CEP78: variants seen among roughly 807,000 people sequenced by gnomAD.
CEP78 encodes centrosomal protein of 78 kDa.
A neutral mutation model predicts 81.2 loss-of-function variants in CEP78; 76 were observed. The observed-to-expected ratio is 0.94, with a 90% CI of 0.78 to 1.13. CEP78 has a LOEUF of 1.13. Among genes scored for constraint, CEP78 ranks in the 50% most tolerant of loss-of-function variants. CEP78 has a pLI of 0.00. For missense variants in CEP78, 918 were observed against 846.8 expected, an observed-to-expected ratio of 1.08 and a Z score of -1.04; for synonymous variants, 293 against 301.4, an observed-to-expected ratio of 0.97 and a Z score of 0.29.
rs1827505951 is a variant in CEP78, at chr9:78,265,892, G to GGAAC, written c.1832_1835dup (p.Leu613AsnfsTer11). The GGAAC allele has an allele frequency of 7.2e-7, 1 of 1,385,890 alleles. No homozygotes were observed. Among genetic ancestry groups the GGAAC allele is most frequent in the Non-Finnish European group, 1.0e-6 (1 of 995,596 alleles). 85.8% of individuals were successfully genotyped at this position (1,385,890 alleles called of 1,614,324 possible). ...TTGTATGCAGTCAGCTTACAATGAA[G>GGAAC]GAACACTAATGAAGGTACAAGTACT... On this transcript the variant is annotated frameshift_variant, in exon 15 of 17. Coordinates refer to ENST00000643273, the MANE Select transcript of CEP78 (RefSeq NM_001330691.3). LOFTEE classifies it high-confidence loss of function.
chr9:78,263,298 A>G (rs1365484930), intron 12 of CEP78, among the ~76,000 whole-genome samples: 3 of 152,114 alleles, frequency 2.0e-5, no homozygotes, highest in Non-Finnish European at 4.4e-5. Flanking sequence ...TGTATATACA[A>G]TTGCGTAAAA....
At chr9:78,241,961 A>G (rs1008308899) in intron 4 of CEP78, among the ~76,000 whole-genome samples, 162 bp downstream of exon 4, 9 of 152,164 alleles carry the variant, frequency 5.9e-5, no homozygotes, top group African/African-American at 1.9e-4. Flanking sequence ...GGGTTCTACC[A>G]TTTATTAAAG....
Position 78,236,572 on chromosome 9 carries a change from G to C in CEP78, c.222G>C (p.Lys74Asn), listed in dbSNP as rs1316019313. The C allele has an allele frequency of 5.1e-6, 8 of 1,567,292 alleles. No individual in the cohort carries two copies. In the South Asian group the frequency reaches 8.3e-5, roughly 16 times the overall value. The change falls in exon 1 of 17, where the codon AAG becomes AAC. Residue 74 changes from lysine to asparagine, a missense_variant. Physicochemically the swap from Lys to Asn is moderately conservative, Grantham distance 94. Coordinates refer to ENST00000643273, the MANE Select transcript of CEP78 (RefSeq NM_001330691.3). ...INKDLPLVSI[K>N]SFFQPWLGDT... ...AAGACCTGCCCTTGGTCTCCATCAA[G>C]AGCTTCTTCCAGCCCTGGCTGGGGG... is the stretch of plus-strand genomic sequence containing the variant.
At chr9:78,248,918 T>G (rs1310804683) in intron 8 of CEP78, 45 bp downstream of exon 8, 11 of 924,904 alleles carry the variant, frequency 1.2e-5, no homozygotes, top group Non-Finnish European at 1.8e-5. Context: ...AGTGTTCTAG[T>G]GTGTTAAAAT....
chr9:78,265,729 A>G, intron 14 of CEP78, 130 bp from the exon 15 acceptor site: 2 of 754,176 alleles, frequency 2.7e-6, no homozygotes, highest in South Asian at 3.9e-5. Context: ...GTTGTAAATA[A>G]AAAATAAGAA....
rs1827838551 is a variant in CEP78 at position 78,278,013 on chromosome 9, G to A, written c.*7162G>A. The A allele has an allele frequency of 1.3e-5, 2 of 152,040 alleles. No individual in the cohort carries two copies. The highest frequency in any genetic ancestry group is 4.8e-5 in the African/African-American group (2 of 41,404). 9.4% of individuals were successfully genotyped at this position (152,040 alleles called of 1,614,324 possible). A position where few individuals can be genotyped will look rare whatever the true frequency, so the allele number is the denominator to read the frequency against. On this transcript the variant is annotated 3_prime_UTR_variant, in exon 17 of 17. Transcript: ENST00000643273. Reference sequence around the variant, plus strand: ...ATAGTTAAAACTTGTTTACCTATACGTAGCATATATGCGTGTGTGCACCCT... The same window carrying A: ...ATAGTTAAAACTTGTTTACCTATACATAGCATATATGCGTGTGTGCACCCT...
chr9:78,276,139 C>T lies in CEP78; in HGVS notation c.*5288C>T, dbSNP rs1827799051. ...TAGGTGCAAAAAATCCAAAATAAAA[C>T]TAGCAGTTTGAATTCAGCATTGTAG... On this transcript the variant is annotated 3_prime_UTR_variant, in exon 17 of 17. Coordinates refer to ENST00000643273, the MANE Select transcript of CEP78 (RefSeq NM_001330691.3). The T allele has an allele frequency of 6.6e-6, 1 of 152,136 alleles. No individual in the cohort carries two copies. Among genetic ancestry groups the T allele is most frequent in the Non-Finnish European group, 1.5e-5 (1 of 68,022 alleles). 9.4% of individuals were successfully genotyped at this position (152,136 alleles called of 1,614,324 possible).
At chr9:78,260,706 C>CAAAAAA (rs1204270796) in intron 11 of CEP78, among the ~76,000 whole-genome samples, 1 of 53,090 alleles carries the variant, frequency 1.9e-5, no homozygotes, top group African/African-American at 6.2e-5. Flanking sequence ...GACTCCATCT[C>CAAAAAA]AAAAAAAAAA....
At chr9:78,239,733 T>C (rs1393297755) in intron 1 of CEP78, among the ~76,000 whole-genome samples, 1 of 152,182 alleles carries the variant, frequency 6.6e-6, no homozygotes, top group Admixed American at 6.5e-5. Flanking sequence ...CTCTCGCTGC[T>C]CCCTCTGGTT....
chr9:78,240,741 A>G (rs922996138), intron 3 of CEP78, among the ~76,000 whole-genome samples: 3 of 152,132 alleles, frequency 2.0e-5, no homozygotes, highest in Admixed American at 6.6e-5. Context: ...TGGGCGGATC[A>G]TGAGGTCAGG....
Position 78,275,022 on chromosome 9 carries a change from A to G in CEP78, c.*4171A>G, listed in dbSNP as rs1052212118. On this transcript the variant is annotated 3_prime_UTR_variant, in exon 17 of 17. Transcript: ENST00000643273. Reference sequence around the variant, plus strand: ...AAACACAGGTTTTTAAAAATGAAAGATAAACCTTTGTAAAATATGATAAAG... The same window carrying G: ...AAACACAGGTTTTTAAAAATGAAAGGTAAACCTTTGTAAAATATGATAAAG... The G allele has an allele frequency of 6.6e-6, 1 of 152,214 alleles. No homozygotes were observed. Among genetic ancestry groups the G allele is most frequent in the Non-Finnish European group, 1.5e-5 (1 of 68,042 alleles). The allele number at this position is 152,214 out of a possible 1,614,324, so 9.4% of individuals were successfully genotyped here. A position where few individuals can be genotyped will look rare whatever the true frequency, so the allele number is the denominator to read the frequency against.
intron 9 of CEP78, among the ~76,000 whole-genome samples, chr9:78,252,661 T>A (rs1020344580): frequency 1.3e-5 from 2 of 152,214 alleles, no homozygotes; most frequent in African/African-American, 2.4e-5. Context: ...AAATTGGAGA[T>A]TAACAATTGC....
At chr9:78,256,008 T>A (rs1827003950) in intron 11 of CEP78, among the ~76,000 whole-genome samples, 1 of 152,232 alleles carries the variant, frequency 6.6e-6, no homozygotes, top group Non-Finnish European at 1.5e-5. Flanking sequence ...TCTTTTCTAT[T>A]TTAAGAACTC....
At chr9:78,252,408 A>G (rs1324600951) in intron 9 of CEP78, among the ~76,000 whole-genome samples, 1 of 152,230 alleles carries the variant, frequency 6.6e-6, no homozygotes, top group Non-Finnish European at 1.5e-5. Context: ...AGCATAGGAA[A>G]TTGTTCAATG....
rs1032198017 is a variant in CEP78 at position 78,270,589 on chromosome 9, G to A, written c.2108-252G>A. 2.0e-5 allele frequency among the ~76,000 whole-genome samples: 3 copies of A among 152,244 alleles called. No individual in the cohort carries two copies. In the South Asian group the frequency reaches 6.2e-4, roughly 32 times the overall value. ...ACTGTAGCAAAGAGCTTGTCATCCTGTCTTAAATTCACACATAATTACTAG... is the reference window on the plus strand; with the variant it reads ...ACTGTAGCAAAGAGCTTGTCATCCTATCTTAAATTCACACATAATTACTAG... On this transcript the variant is annotated intron_variant, in intron 16 of 16. Coordinates refer to ENST00000643273, the MANE Select transcript of CEP78 (RefSeq NM_001330691.3).
intron 4 of CEP78, among the ~76,000 whole-genome samples, chr9:78,242,503 C>G (rs963880605): frequency 2.0e-5 from 3 of 152,100 alleles, no homozygotes; most frequent in Non-Finnish European, 4.4e-5. Context: ...GTTTTCTTAT[C>G]CATAAAATGT....
Position 78,236,268 on chromosome 9 carries a change from G to A in CEP78, c.-83G>A. The A allele has an allele frequency of 7.9e-7, 1 of 1,269,830 alleles. No individual in the cohort carries two copies. Among genetic ancestry groups the A allele is most frequent in the Non-Finnish European group, 1.1e-6 (1 of 930,944 alleles). The allele number at this position is 1,269,830 out of a possible 1,614,324, so 78.7% of individuals were successfully genotyped here. A position where few individuals can be genotyped will look rare whatever the true frequency, so the allele number is the denominator to read the frequency against. The stretch of plus-strand genomic sequence containing the variant: ...CTATCGCCTGGCCGTGGGTGCCGGA[G>A]CGGCCGGGTTGCGACTCAGCGTTCT... On this transcript the variant is annotated 5_prime_UTR_variant, in exon 1 of 17. Transcript: ENST00000643273.
Position 78,236,363 on chromosome 9 carries a change from G to C in CEP78, c.13G>C (p.Val5Leu), listed in dbSNP as rs766857594. Residue 5 changes from valine (V) to leucine (L), a missense_variant, in exon 1 of 17, where the codon GTG becomes CTG. By Grantham distance (32) the Val-to-Leu change is conservative. Transcript: ENST00000643273. ...CCGCCCTCGGGCCATGATCGACTCC[G>C]TGAAGCTGCGCCGCGACAGCGCGGC... The part of the protein sequence containing the change: MIDS[V>L]KLRRDSAADF... 1 of 1,579,690 alleles carries C rather than the reference G, an allele frequency of 6.3e-7. No homozygotes were observed. Among genetic ancestry groups the C allele is most frequent in the Admixed American group, 1.8e-5 (1 of 56,302 alleles).
chr9:78,264,999 G>A (rs1193646391), intron 13 of CEP78, among the ~76,000 whole-genome samples: 2 of 152,140 alleles, frequency 1.3e-5, no homozygotes, highest in Non-Finnish European at 2.9e-5. Flanking sequence ...ATATTCTTGA[G>A]GACTGGAGGA....
Sources: gnomAD v4.1 joint callset for allele counts (sites outside exome capture counted in the v4.1 genomes callset) on GRCh38, gnomAD v4.1.1 for gene constraint, MANE v1.5 for transcripts, NCBI Gene and HGNC (gene_info 2026-07-23, HGNC 2026-07-21) for gene names.